Variants in XYLT2 observed in about 807,000 individuals in gnomAD.
XYLT2 encodes xylosyltransferase 2.
Under a neutral mutation model 82.6 loss-of-function variants are expected in XYLT2, and 37 were observed. The observed-to-expected ratio is 0.45, with a 90% CI of 0.34 to 0.59. The LOEUF (loss-of-function observed/expected upper bound fraction) is 0.59, where lower values mean the gene tolerates loss of function less well. XYLT2 is among the 20% of genes least tolerant of loss of function. The pLI, the probability that XYLT2 is intolerant of heterozygous loss-of-function variation, is 0.01. For missense variants in XYLT2, 934 were observed against 1,181.3 expected (o/e 0.79, Z 3.07); for synonymous variants, 474 against 499.0 (o/e 0.95, Z 0.67).
chr17:50,354,674 T>G, intron 3 of XYLT2, 91 bp downstream of exon 3: 2 of 1,389,662 alleles, frequency 1.4e-6, no homozygotes, highest in Non-Finnish European at 1.9e-6. Context: ...CTGGCCCAGG[T>G]AGCCTAGGAG....
Position 50,346,313 on chromosome 17 carries a change from G to A in XYLT2, c.135+38G>A. On this transcript the variant is annotated intron_variant, in intron 1 of 10. Coordinates refer to ENST00000017003, the MANE Select transcript of XYLT2 (RefSeq NM_022167.4). This position sits in a 1 kb window ranked among gnomAD's most constrained non-coding sequence, Gnocchi z 5.1. ...CCGGGCGGGCGGGCAGGCCGGGCGCGGGGGCGCGCGGGGTCCTGGCGGGGC... is the reference window on the plus strand; with the variant it reads ...CCGGGCGGGCGGGCAGGCCGGGCGCAGGGGCGCGCGGGGTCCTGGCGGGGC... 4 of 1,027,996 alleles carry A rather than the reference G, an allele frequency of 3.9e-6. No homozygotes were observed. The highest frequency in any genetic ancestry group is 4.7e-6 in the Non-Finnish European group (4 of 858,894). 63.7% of individuals were successfully genotyped at this position (1,027,996 alleles called of 1,614,324 possible).
Position 50,360,568 on chromosome 17 carries a change from TTTC to T in XYLT2, c.*280_*282del, listed in dbSNP as rs1296412346. The T allele has an allele frequency of 3.0e-4, 325 of 1,078,954 alleles. No homozygotes were observed. Among genetic ancestry groups the T allele is most frequent in the Admixed American group, 1.7e-4 (2 of 11,730 alleles). 66.8% of individuals were successfully genotyped at this position (1,078,954 alleles called of 1,614,324 possible). On this transcript the variant is annotated 3_prime_UTR_variant, in exon 11 of 11. Transcript: ENST00000017003. ...TCCTGTCTAGTTTGAATTTCTTTTT[TTTC>T]TTTTTTTTTTTTTTTTTTTAATTTA...
At position 50,346,847 on chromosome 17, in the gene XYLT2, G is replaced by T. The variant is rs371841456; in HGVS notation, c.135+572G>T. The T allele has an allele frequency of 2.9e-5, 29 of 985,410 alleles. No individual in the cohort carries two copies. In the African/African-American group the frequency reaches 5.1e-4, roughly 17 times the overall value. 61.0% of individuals were successfully genotyped at this position (985,410 alleles called of 1,614,324 possible). ...GGAGTGACGCCGAAGGAGAGAACTGGAGTATTCCCGAGGTGTGGCTTCCTC... is the reference window on the plus strand; with the variant it reads ...GGAGTGACGCCGAAGGAGAGAACTGTAGTATTCCCGAGGTGTGGCTTCCTC... On this transcript the variant is annotated intron_variant, in intron 1 of 10. Coordinates refer to ENST00000017003, the MANE Select transcript of XYLT2 (RefSeq NM_022167.4). The surrounding 1 kb of genome is among the most constrained non-coding windows in gnomAD (Gnocchi z 5.1).
intron 1 of XYLT2, among the ~76,000 whole-genome samples, chr17:50,352,295 T>C (rs963133011): frequency 1.3e-5 from 2 of 152,196 alleles, no homozygotes; most frequent in Non-Finnish European, 2.9e-5. Context: ...CCCAGAGCCC[T>C]GGAGGCTCTA....
At position 50,346,558 on chromosome 17, in the gene XYLT2, G is replaced by C; in HGVS notation, c.135+283G>C. 6 of 965,028 alleles carry C rather than the reference G, an allele frequency of 6.2e-6. No individual in the cohort carries two copies. The highest frequency in any genetic ancestry group is 6.2e-6 in the Non-Finnish European group (5 of 811,274). 59.8% of individuals were successfully genotyped at this position (965,028 alleles called of 1,614,324 possible). ...CATGCTAGGGTGGTCTCCGGCCAAG[G>C]GAGCGATGAAGGTCAGGCGCGGCGA... On this transcript the variant is annotated intron_variant, in intron 1 of 10. Coordinates refer to ENST00000017003, the MANE Select transcript of XYLT2 (RefSeq NM_022167.4). The surrounding 1 kb of genome is among the most constrained non-coding windows in gnomAD (Gnocchi z 5.1).
chr17:50,346,395 G>C lies in XYLT2; in HGVS notation c.135+120G>C. ...CGGGCCGCGTGCGTGCGTGCGGGGC[G>C]CCGGCGGTCGCCCAGAGCGGAGCAT... On this transcript the variant is annotated intron_variant, in intron 1 of 10. Transcript: ENST00000017003. The surrounding 1 kb of genome is among the most constrained non-coding windows in gnomAD (Gnocchi z 5.1). 1.0e-6 allele frequency: 1 copy of C among 967,568 alleles called. No individual in the cohort carries two copies. The highest frequency in any genetic ancestry group is 6.2e-5 in the Admixed American group (1 of 16,246). 59.9% of individuals were successfully genotyped at this position (967,568 alleles called of 1,614,324 possible).
chr17:50,355,154 C>T (rs1019798667), intron 4 of XYLT2, 98 bp downstream of exon 4: 14 of 1,326,286 alleles, frequency 1.1e-5, no homozygotes, highest in South Asian at 2.8e-5. Flanking sequence ...GCCCCATAAG[C>T]GTAACTCTGG....
chr17:50,353,999 G>A lies in XYLT2; in HGVS notation c.505G>A (p.Ala169Thr), dbSNP rs376155356. 8.1e-6 allele frequency: 13 copies of A among 1,606,722 alleles called. No homozygotes were observed. The highest frequency in any genetic ancestry group is 1.7e-5 in the Admixed American group (1 of 60,020). Residue 169 changes from alanine (A) to threonine (T), a missense_variant, in exon 2 of 11, where the codon GCA becomes ACA. Ala to Thr is a moderately conservative substitution (Grantham distance 58, BLOSUM62 0). Around this residue, in one of 3 missense-constraint regions of XYLT2, gnomAD observed 371 missense variants for 394.9 expected, o/e 0.94. Coordinates refer to ENST00000017003, the MANE Select transcript of XYLT2 (RefSeq NM_022167.4). ...CAAGTGCGAGATCGTGGGCAAGGAC[G>A]CACTGTCTGCACTGGCCCGGGCCAG... is the stretch of plus-strand genomic sequence containing the variant. ...TPKCEIVGKD[A>T]LSALARASTK...
chr17:50,356,952 A>C, intron 8 of XYLT2, 105 bp from the exon 9 acceptor site: 1 of 1,470,376 alleles, frequency 6.8e-7, no homozygotes, highest in South Asian at 1.4e-5. Context: ...AGATCTGGGG[A>C]AAGGAAGTGC....
In XYLT2 at chr17:50,353,980, C is replaced by T. The variant is rs1423726575; in HGVS notation, c.486C>T (p.Cys162=). ...QPTDNGFTPK[C]EIVGKDALSA... is the part of the protein sequence containing the mutation. The stretch of plus-strand genomic sequence containing the variant: ...CGGACAATGGCTTCACCCCCAAGTG[C>T]GAGATCGTGGGCAAGGACGCACTGT... Residue 162 remains cysteine, a synonymous_variant, in exon 2 of 11, where the codon TGC becomes TGT. Coordinates refer to ENST00000017003, the MANE Select transcript of XYLT2 (RefSeq NM_022167.4). The T allele has an allele frequency of 3.7e-6, 6 of 1,606,458 alleles. No individual in the cohort carries two copies. The highest frequency in any genetic ancestry group is 5.1e-6 in the Non-Finnish European group (6 of 1,179,896).
In XYLT2 at chr17:50,359,921, C is replaced by T. The variant is rs140092750; in HGVS notation, c.2276-48C>T. 195 of 1,486,576 alleles carry T rather than the reference C, an allele frequency of 1.3e-4. No individual in the cohort carries two copies. The African/African-American group carries it at 1.8e-3, about 14-fold the overall frequency. The allele number at this position is 1,486,576 out of a possible 1,614,324, so 92.1% of individuals were successfully genotyped here. Reference sequence around the variant, plus strand: ...ACCCAACTCCTGGGTCTGGCCTCCACGGAGTCTGTTGCAGGGGGTGTGCTT... The same window carrying T: ...ACCCAACTCCTGGGTCTGGCCTCCATGGAGTCTGTTGCAGGGGGTGTGCTT... On this transcript the variant is annotated intron_variant, in intron 10 of 10. Coordinates refer to ENST00000017003, the MANE Select transcript of XYLT2 (RefSeq NM_022167.4).
At chr17:50,358,060 A>G in intron 9 of XYLT2, 147 bp from the exon 10 acceptor site, 1 of 697,768 alleles carries the variant, frequency 1.4e-6, no homozygotes, top group Non-Finnish European at 2.4e-6. Context: ...AAGGTCTCCT[A>G]GTCTGACCCC....
In XYLT2 at chr17:50,360,571, CTTT is replaced by C. The variant is rs386386236; in HGVS notation, c.*297_*299del. The C allele has an allele frequency of 2.0e-3, 1,934 of 979,456 alleles. 1 individual carries two copies. Among genetic ancestry groups the C allele is most frequent in the Non-Finnish European group, 2.1e-3 (1,705 of 825,676 alleles). The allele number at this position is 979,456 out of a possible 1,614,324, so 60.7% of individuals were successfully genotyped here. On this transcript the variant is annotated 3_prime_UTR_variant, in exon 11 of 11. Coordinates refer to ENST00000017003, the MANE Select transcript of XYLT2 (RefSeq NM_022167.4). The stretch of plus-strand genomic sequence containing the variant: ...TGTCTAGTTTGAATTTCTTTTTTTT[CTTT>C]TTTTTTTTTTTTTTTTAATTTAAAA...
Position 50,360,322 on chromosome 17 carries a change from C to T in XYLT2, c.*31C>T, listed in dbSNP as rs768758557. Reference sequence around the variant, plus strand: ...CCCCAGCCAGTACCCGTGGAGGACCCGGGAAATTGCACCTTACAGACAGTG... The same window carrying T: ...CCCCAGCCAGTACCCGTGGAGGACCTGGGAAATTGCACCTTACAGACAGTG... On this transcript the variant is annotated 3_prime_UTR_variant, in exon 11 of 11. Coordinates refer to ENST00000017003, the MANE Select transcript of XYLT2 (RefSeq NM_022167.4). The T allele has an allele frequency of 1.4e-5, 22 of 1,534,886 alleles. No homozygotes were observed. Among genetic ancestry groups the T allele is most frequent in the South Asian group, 3.8e-5 (3 of 78,746 alleles).
chr17:50,355,985 G>A lies in XYLT2; in HGVS notation c.1293G>A (p.Leu431=), dbSNP rs776391746. The change falls in exon 6 of 11, where the codon CTG becomes CTA. Residue 431 remains leucine, a synonymous_variant. Transcript: ENST00000017003. ...AQLRQFYTYT[L]LPAESFFHTV... ...TGCGCCAGTTCTACACATACACACT[G>A]CTCCCAGCCGAGGTGGGTAGCCCAG... 7.4e-6 allele frequency: 12 copies of A among 1,614,128 alleles called. No homozygotes were observed. The highest frequency in any genetic ancestry group is 2.7e-5 in the African/African-American group (2 of 74,948).
At position 50,357,271 on chromosome 17, in the gene XYLT2, T is replaced by G. The variant is rs748154362; in HGVS notation, c.1941+19T>G. 1 of 1,552,542 alleles carries G rather than the reference T, an allele frequency of 6.4e-7. No homozygotes were observed. Among genetic ancestry groups the G allele is most frequent in the Non-Finnish European group, 8.7e-7 (1 of 1,152,072 alleles). ...TCTGGAGGTGGGACAGGTCCCCCAC[T>G]TGCTTTCTCCCAACCCCCACCCAGA... On this transcript the variant is annotated intron_variant, in intron 9 of 10. Transcript: ENST00000017003.
chr17:50,353,174 G>C lies in XYLT2; in HGVS notation c.136-456G>C, dbSNP rs907977339. 2.0e-5 allele frequency among the ~76,000 whole-genome samples: 3 copies of C among 152,152 alleles called. No individual in the cohort carries two copies. In the South Asian group the frequency reaches 6.2e-4, roughly 32 times the overall value. On this transcript the variant is annotated intron_variant, in intron 1 of 10. Coordinates refer to ENST00000017003, the MANE Select transcript of XYLT2 (RefSeq NM_022167.4). ...CAGTCTTCCCACATGGAAATGCTTT[G>C]GATTCATCTGGAAGTTAGAGTCTTC...
At position 50,346,525 on chromosome 17, in the gene XYLT2, G is replaced by T. The variant is rs1361148523; in HGVS notation, c.135+250G>T. The T allele has an allele frequency of 1.1e-6, 1 of 892,340 alleles. No homozygotes were observed. Among genetic ancestry groups the T allele is most frequent in the African/African-American group, 1.8e-5 (1 of 55,538 alleles). 55.3% of individuals were successfully genotyped at this position (892,340 alleles called of 1,614,324 possible). A position where few individuals can be genotyped will look rare whatever the true frequency, so the allele number is the denominator to read the frequency against. On this transcript the variant is annotated intron_variant, in intron 1 of 10. Coordinates refer to ENST00000017003, the MANE Select transcript of XYLT2 (RefSeq NM_022167.4). This position sits in a 1 kb window ranked among gnomAD's most constrained non-coding sequence, Gnocchi z 5.1. ...TGGTGGATTGGGAGTCGGGCGGGGGGAGCAGGTCATGCTAGGGTGGTCTCC... is the reference window on the plus strand; with the variant it reads ...TGGTGGATTGGGAGTCGGGCGGGGGTAGCAGGTCATGCTAGGGTGGTCTCC...
At chr17:50,352,680 T>G (rs1037773324) in intron 1 of XYLT2, among the ~76,000 whole-genome samples, 3 of 152,166 alleles carry the variant, frequency 2.0e-5, no homozygotes, top group Non-Finnish European at 4.4e-5. Flanking sequence ...ACCAGAGCAC[T>G]TAGAGCCAGG....
Sources: allele counts gnomAD v4.1 joint callset (sites outside exome capture counted in the v4.1 genomes callset), GRCh38; gene constraint gnomAD v4.1.1; regional missense constraint gnomAD v4.1.1; non-coding constraint Gnocchi (gnomAD v3.1); transcripts MANE v1.5; gene names NCBI Gene and HGNC (gene_info 2026-07-23, HGNC 2026-07-21).